The following N4BP1 variants were observed in gnomAD, a reference collection of about 807,000 sequenced individuals.
The protein encoded by N4BP1 is NEDD4-binding protein 1.
N4BP1 carries 21 observed loss-of-function variants against 70.9 expected under a neutral mutation model. That is an observed-to-expected ratio of 0.30 (90% CI 0.21 to 0.43). N4BP1 has a LOEUF of 0.43. N4BP1 is among the 20% of genes least tolerant of loss of function. The pLI, the probability that N4BP1 is intolerant of heterozygous loss-of-function variation, is 1.00. For missense variants in N4BP1, 936 were observed against 1,069.4 expected, an observed-to-expected ratio of 0.88 and a Z score of 1.74; for synonymous variants, 387 against 394.6, an observed-to-expected ratio of 0.98 and a Z score of 0.23.
At chr16:48,607,088 T>C (rs1964593963) in intron 1 of N4BP1, among the ~76,000 whole-genome samples, 1 of 152,142 alleles carries the variant, frequency 6.6e-6, no homozygotes. Flanking sequence ...AAAAAGAATT[T>C]CTTACAAGTG....
Position 48,542,791 on chromosome 16 carries a change from G to T in N4BP1, c.*113C>A. ...AAACATTTTTTTTCTGTACAACTGC[G>T]TTTACACTGGGAAATAAGTTTCTTC... On this transcript the variant is annotated 3_prime_UTR_variant, in exon 7 of 7. Coordinates refer to ENST00000262384, the MANE Select transcript of N4BP1 (RefSeq NM_153029.4). The T allele has an allele frequency of 9.9e-7, 1 of 1,008,420 alleles. No individual in the cohort carries two copies. The highest frequency in any genetic ancestry group is 1.4e-6 in the Non-Finnish European group (1 of 712,782). 62.5% of individuals were successfully genotyped at this position (1,008,420 alleles called of 1,614,324 possible).
intron 1 of N4BP1, among the ~76,000 whole-genome samples, chr16:48,581,159 T>C (rs760469915): frequency 6.3e-4 from 96 of 152,018 alleles, no homozygotes; most frequent in Admixed American, 1.8e-3. Flanking sequence ...ACAGGATACA[T>C]TACATTAACA....
At chr16:48,558,601 G>A (rs902997122) in intron 2 of N4BP1, among the ~76,000 whole-genome samples, 3 of 152,290 alleles carry the variant, frequency 2.0e-5, no homozygotes, top group East Asian at 1.9e-4. Context: ...CTCATTCTAC[G>A]TTAACCTTGC....
chr16:48,605,281 C>A (rs563485786), intron 1 of N4BP1, among the ~76,000 whole-genome samples: 7 of 152,088 alleles, frequency 4.6e-5, no homozygotes, highest in Admixed American at 2.0e-4. Flanking sequence ...TCAGACCACT[C>A]GGCATCCCAA....
chr16:48,597,998 GGC>G (rs1256146271), intron 1 of N4BP1, among the ~76,000 whole-genome samples: 2 of 152,214 alleles, frequency 1.3e-5, no homozygotes, highest in East Asian at 3.8e-4. Flanking sequence ...CAAACAGCCA[GGC>G]TGGTGGACTA....
chr16:48,609,031 A>C (rs1370316001), intron 1 of N4BP1, among the ~76,000 whole-genome samples: 1 of 147,654 alleles, frequency 6.8e-6, no homozygotes, highest in Non-Finnish European at 1.5e-5. Context: ...CCCGGGCAAC[A>C]TAGTGAAATC....
intron 1 of N4BP1, among the ~76,000 whole-genome samples, chr16:48,566,017 G>C (rs955944220): frequency 1.3e-5 from 2 of 151,908 alleles, no homozygotes; most frequent in Non-Finnish European, 2.9e-5. Flanking sequence ...TGTTAGTGTT[G>C]CTAAGAGACT....
In N4BP1 at chr16:48,590,797, T is replaced by C. The variant is rs1021567645; in HGVS notation, c.198+18978A>G. Reference sequence around the variant, plus strand: ...TCTCCCAAATGGTTCCATAGCCCCATGGTGTGGTATGTGTCTGCAGCTCCA... The same window carrying C: ...TCTCCCAAATGGTTCCATAGCCCCACGGTGTGGTATGTGTCTGCAGCTCCA... On this transcript the variant is annotated intron_variant, in intron 1 of 6. Transcript: ENST00000262384. Among the ~76,000 whole-genome samples the C allele has an allele frequency of 5.9e-5, 9 of 152,150 alleles. No homozygotes were observed. The South Asian group carries it at 8.3e-4, about 14-fold the overall frequency.
At chr16:48,558,004 A>G (rs1963781463) in intron 2 of N4BP1, among the ~76,000 whole-genome samples, 1 of 152,168 alleles carries the variant, frequency 6.6e-6, no homozygotes, top group African/African-American at 2.4e-5. Context: ...CACACGACTA[A>G]AATAATCAAT....
At chr16:48,606,652 G>C (rs545627887) in intron 1 of N4BP1, among the ~76,000 whole-genome samples, 2 of 152,302 alleles carry the variant, frequency 1.3e-5, no homozygotes, top group Admixed American at 6.5e-5. Context: ...CACTATCACT[G>C]TCTACTAGTA....
At chr16:48,578,703 A>G (rs1309358172) in intron 1 of N4BP1, among the ~76,000 whole-genome samples, 2 of 152,230 alleles carry the variant, frequency 1.3e-5, no homozygotes, top group Admixed American at 1.3e-4. Flanking sequence ...GTGTAGGATT[A>G]ATGTTCAAGA....
In N4BP1 at chr16:48,557,764, T is replaced by C. The variant is rs553650662; in HGVS notation, c.1889+2990A>G. ...GGGCAAAATAGTGAGACTTTACCTC[T>C]TAAAAAAAGAAAAATTCTAATTTGC... On this transcript the variant is annotated intron_variant, in intron 2 of 6. Transcript: ENST00000262384. 1.4e-4 allele frequency among the ~76,000 whole-genome samples: 22 copies of C among 152,292 alleles called. No homozygotes were observed. The East Asian group carries it at 3.7e-3, about 25-fold the overall frequency.
intron 1 of N4BP1, among the ~76,000 whole-genome samples, chr16:48,565,393 A>AT (rs951684923): frequency 3.3e-5 from 5 of 152,332 alleles, no homozygotes; most frequent in Middle Eastern, 3.4e-3. Context: ...TACTCCATCA[A>AT]TTGATATAAT....
chr16:48,565,442 T>C (rs1567433365), intron 1 of N4BP1, among the ~76,000 whole-genome samples: 1 of 152,236 alleles, frequency 6.6e-6, no homozygotes. Context: ...TTAATATGGT[T>C]GGTTACATTG....
intron 1 of N4BP1, among the ~76,000 whole-genome samples, chr16:48,594,688 T>C (rs1187140118): frequency 6.6e-6 from 1 of 152,204 alleles, no homozygotes; most frequent in African/African-American, 2.4e-5. Flanking sequence ...GGAAACACTG[T>C]CAAATATAAA....
intron 1 of N4BP1, among the ~76,000 whole-genome samples, chr16:48,596,332 T>C (rs1567445044): frequency 1.3e-5 from 2 of 152,162 alleles, no homozygotes; most frequent in Non-Finnish European, 2.9e-5. Flanking sequence ...ACTAAAACCA[T>C]AGATGAGAAT....
chr16:48,570,682 T>C lies in N4BP1; in HGVS notation c.199-8238A>G, dbSNP rs559234294. 3.3e-5 allele frequency among the ~76,000 whole-genome samples: 5 copies of C among 152,312 alleles called. No homozygotes were observed. The South Asian group carries it at 1.0e-3, about 32-fold the overall frequency. On this transcript the variant is annotated intron_variant, in intron 1 of 6. Transcript: ENST00000262384. ...TAAATTCTGGTCTTTGTTCTAAATCTGCCTGCTATTATTTATTTTTCAGGG... is the reference window on the plus strand; with the variant it reads ...TAAATTCTGGTCTTTGTTCTAAATCCGCCTGCTATTATTTATTTTTCAGGG...
intron 1 of N4BP1, among the ~76,000 whole-genome samples, chr16:48,576,376 A>G (rs990218852): frequency 2.6e-5 from 4 of 152,150 alleles, no homozygotes; most frequent in Non-Finnish European, 4.4e-5. Flanking sequence ...CATTCCTGGA[A>G]GGGTGCTTAT....
intron 1 of N4BP1, among the ~76,000 whole-genome samples, chr16:48,576,492 C>T (rs1964096055): frequency 6.6e-6 from 1 of 152,230 alleles, no homozygotes; most frequent in Non-Finnish European, 1.5e-5. Flanking sequence ...CCTACTACAT[C>T]TGTAAATCTC....
Sources: allele counts gnomAD v4.1 joint callset (sites outside exome capture counted in the v4.1 genomes callset), GRCh38; gene constraint gnomAD v4.1.1; transcripts MANE v1.5; gene names NCBI Gene and HGNC (gene_info 2026-07-23, HGNC 2026-07-21).